FYN: variants seen among roughly 807,000 people sequenced by gnomAD.
FYN encodes FYN proto-oncogene, Src family tyrosine kinase.
Under a neutral mutation model 70.2 loss-of-function variants are expected in FYN, and 10 were observed. The observed-to-expected ratio is 0.14, with a 90% confidence interval of 0.09 to 0.24. The LOEUF (loss-of-function observed/expected upper bound fraction) is 0.24. Ranked by LOEUF, FYN falls within the 10% of genes least tolerant of loss-of-function variation. The probability of loss-of-function intolerance (pLI) is 1.00; values close to 1 mark genes in which losing one functional copy is unlikely to be tolerated. For synonymous variants in FYN, 236 were observed against 248.6 expected (o/e 0.95, Z 0.48); for missense variants, 319 against 673.1 (o/e 0.47, Z 5.82).
At chr6:111,723,366 A>C (rs1236511554) in intron 3 of FYN, among the ~76,000 whole-genome samples, 2 of 152,198 alleles carry the variant, frequency 1.3e-5, no homozygotes, top group Admixed American at 6.5e-5. Flanking sequence ...ATATTAGTTA[A>C]ATAAATAAAT....
intron 2 of FYN, among the ~76,000 whole-genome samples, chr6:111,843,242 C>T (rs1395426969): frequency 6.6e-6 from 1 of 152,222 alleles, no homozygotes; most frequent in Non-Finnish European, 1.5e-5. Context: ...CTCCTCAGCC[C>T]TTTGAGAGTA....
intron 2 of FYN, among the ~76,000 whole-genome samples, chr6:111,843,675 T>C (rs947975457): frequency 6.6e-6 from 1 of 152,188 alleles, no homozygotes; most frequent in Non-Finnish European, 1.5e-5. Context: ...TTAACAAGCA[T>C]GGTTTCCACT....
intron 9 of FYN, among the ~76,000 whole-genome samples, chr6:111,697,655 A>T (rs1799632671): frequency 6.6e-6 from 1 of 152,222 alleles, no homozygotes; most frequent in Admixed American, 6.5e-5. Flanking sequence ...GATCTTTGCT[A>T]TTTAAGAGTC....
At chr6:111,739,907 T>G (rs915511570) in intron 3 of FYN, among the ~76,000 whole-genome samples, 1 of 152,186 alleles carries the variant, frequency 6.6e-6, no homozygotes, top group Non-Finnish European at 1.5e-5. Flanking sequence ...CACGGCAACC[T>G]CTGTCTCCTG....
At chr6:111,872,786 C>T (rs971378592) in intron 1 of FYN, among the ~76,000 whole-genome samples, 182 bp downstream of exon 1, 2 of 151,722 alleles carry the variant, frequency 1.3e-5, no homozygotes, top group African/African-American at 4.8e-5. Context: ...GGGTGTCCTC[C>T]GGTGCAACCG....
intron 3 of FYN, among the ~76,000 whole-genome samples, chr6:111,727,692 G>A (rs1016868768): frequency 6.6e-6 from 1 of 152,120 alleles, no homozygotes; most frequent in African/African-American, 2.4e-5. Context: ...GATCATTTAC[G>A]CATGACTTTG....
intron 3 of FYN, among the ~76,000 whole-genome samples, chr6:111,758,596 T>TAAC (rs1802853150): frequency 6.6e-6 from 1 of 152,258 alleles, no homozygotes; most frequent in Non-Finnish European, 1.5e-5. Context: ...TCCTGCTGAT[T>TAAC]GTTAGACTGG....
intron 12 of FYN, among the ~76,000 whole-genome samples, chr6:111,681,454 C>G (rs924861508): frequency 1.3e-5 from 2 of 152,202 alleles, no homozygotes; most frequent in African/African-American, 4.8e-5. Flanking sequence ...AGCCACCGTG[C>G]CTGACCTAAC....
intron 2 of FYN, among the ~76,000 whole-genome samples, chr6:111,802,158 C>T (rs1772007074): frequency 3.9e-5 from 6 of 152,004 alleles, no homozygotes; most frequent in Admixed American, 3.9e-4. Flanking sequence ...GGCAGATGTC[C>T]CACTTGGTGC....
At chr6:111,787,522 T>C (rs2128510682) in intron 2 of FYN, among the ~76,000 whole-genome samples, 1 of 152,250 alleles carries the variant, frequency 6.6e-6, no homozygotes, top group African/African-American at 2.4e-5. Context: ...AAAGACAGGA[T>C]TTTAACTCAA....
chr6:111,731,389 T>C (rs1801443893), intron 3 of FYN, among the ~76,000 whole-genome samples: 1 of 152,246 alleles, frequency 6.6e-6, no homozygotes, highest in African/African-American at 2.4e-5. Flanking sequence ...CCATTTTCGC[T>C]GATCATTTAT....
intron 2 of FYN, among the ~76,000 whole-genome samples, chr6:111,804,413 G>A (rs1772085472): frequency 6.6e-6 from 1 of 152,140 alleles, no homozygotes; most frequent in Admixed American, 6.5e-5. Context: ...AGACTACTGG[G>A]ACTGCGGCTT....
intron 3 of FYN, among the ~76,000 whole-genome samples, chr6:111,747,101 C>A (rs1802260781): frequency 1.3e-5 from 2 of 152,242 alleles, no homozygotes; most frequent in Non-Finnish European, 1.5e-5. Flanking sequence ...ATTGTTTTTC[C>A]CTGTAACTGT....
chr6:111,667,811 G>A (rs1460844331), intron 13 of FYN, among the ~76,000 whole-genome samples: 1 of 152,232 alleles, frequency 6.6e-6, no homozygotes, highest in East Asian at 1.9e-4. Flanking sequence ...ATGGATCTCA[G>A]ATGGGCCATA....
At chr6:111,812,219 G>C (rs191317970) in intron 2 of FYN, among the ~76,000 whole-genome samples, 156 of 152,336 alleles carry the variant, frequency 1.0e-3, no homozygotes, top group African/African-American at 3.4e-3. Flanking sequence ...GCACTCGGAA[G>C]AACAGGGCTG....
intron 13 of FYN, among the ~76,000 whole-genome samples, chr6:111,666,491 G>C (rs573968801): frequency 6.6e-6 from 1 of 152,312 alleles, no homozygotes; most frequent in Non-Finnish European, 1.5e-5. Flanking sequence ...CCCTTCTGCT[G>C]TCTCTCTAGA....
rs527452354 is a variant in FYN at position 111,673,337 on chromosome 6, G to A, written c.1405+1162C>T. Among the ~76,000 whole-genome samples the A allele has an allele frequency of 2.2e-4, 34 of 152,136 alleles. No individual in the cohort carries two copies. The South Asian group carries it at 5.0e-3, about 22-fold the overall frequency. ...CTGACTTACACCCGCATCTCTAAAC[G>A]CCCAGTGCCGGCACTTCAGAGACTG... On this transcript the variant is annotated intron_variant, in intron 13 of 13. Transcript: ENST00000354650.
At chr6:111,686,756 G>A (rs539807379) in intron 12 of FYN, among the ~76,000 whole-genome samples, 1 of 152,282 alleles carries the variant, frequency 6.6e-6, no homozygotes, top group African/African-American at 2.4e-5. Flanking sequence ...TTCATGTGCT[G>A]ACGGGGGCAG....
At chr6:111,787,351 G>C (rs1771432502) in intron 2 of FYN, among the ~76,000 whole-genome samples, 1 of 152,120 alleles carries the variant, frequency 6.6e-6, no homozygotes, top group South Asian at 2.1e-4. Context: ...GTTTCTGTCA[G>C]GTTTTTCAAA....
Sources: gnomAD v4.1 joint callset for allele counts (sites outside exome capture counted in the v4.1 genomes callset) on GRCh38, gnomAD v4.1.1 for gene constraint, MANE v1.5 for transcripts, NCBI Gene and HGNC (gene_info 2026-07-23, HGNC 2026-07-21) for gene names.